PCOLCE2: variants seen among roughly 807,000 people sequenced by gnomAD.
PCOLCE2 encodes the protein procollagen C-proteinase enhancer 2.
Under a neutral mutation model 47.0 loss-of-function variants are expected in PCOLCE2, and 42 were observed. The observed-to-expected ratio is 0.89, with a 90% CI of 0.70 to 1.16. The LOEUF (loss-of-function observed/expected upper bound fraction) is 1.16. PCOLCE2 is among the 50% of genes most tolerant of loss of function. PCOLCE2 has a pLI of 0.00. For missense variants in PCOLCE2, 500 were observed against 526.1 expected, an observed-to-expected ratio of 0.95 and a Z score of 0.49; for synonymous variants, 169 against 191.7, an observed-to-expected ratio of 0.88 and a Z score of 0.98.
intron 2 of PCOLCE2, among the ~76,000 whole-genome samples, chr3:142,879,847 T>C (rs2108211582): frequency 6.6e-6 from 1 of 151,852 alleles, no homozygotes; most frequent in East Asian, 1.9e-4. Context: ...GGGGGGCGCC[T>C]GTAGTCCCAG....
chr3:142,881,410 A>G (rs73232756), intron 2 of PCOLCE2, among the ~76,000 whole-genome samples: 31,330 of 152,158 alleles, frequency 0.21, 3,743 homozygotes, highest in South Asian at 0.29. Context: ...TATATATACT[A>G]TTATTATTTT....
At position 142,848,208 on chromosome 3, in the gene PCOLCE2, A is replaced by T; in HGVS notation, c.448+9T>A. 6.2e-7 allele frequency: 1 copy of T among 1,611,544 alleles called. No homozygotes were observed. The stretch of plus-strand genomic sequence containing the variant: ...TACTGTTGTTATTGCCATTATGTGG[A>T]AACAGTACCTCTTTCGTTTGGTTCA... On this transcript the variant is annotated intron_variant, in intron 3 of 8. Coordinates refer to ENST00000295992, the MANE Select transcript of PCOLCE2 (RefSeq NM_013363.4).
intron 2 of PCOLCE2, among the ~76,000 whole-genome samples, chr3:142,879,970 CAAAAAAAAA>C (rs772887718): frequency 5.6e-5 from 3 of 53,514 alleles, no homozygotes; most frequent in Non-Finnish European, 9.7e-5. Flanking sequence ...GACTCCATCT[CAAAAAAAAA>C]AAAAAAAAAA....
chr3:142,873,186 G>C (rs1242069284), intron 2 of PCOLCE2, among the ~76,000 whole-genome samples: 1 of 151,970 alleles, frequency 6.6e-6, no homozygotes, highest in Non-Finnish European at 1.5e-5. Flanking sequence ...CTGAGGTCAG[G>C]AGTTCAAGAC....
At position 142,818,145 on chromosome 3, in the gene PCOLCE2, AGCAG is replaced by A; in HGVS notation, c.*186_*189del. On this transcript the variant is annotated 3_prime_UTR_variant, in exon 9 of 9. Coordinates refer to ENST00000295992, the MANE Select transcript of PCOLCE2 (RefSeq NM_013363.4). ...CCAATCAGATAGCTGCTCCTCTGACAGCAGGCAAAGAACTTCCCTCAGCTATCTC... is the reference window on the plus strand; with the variant it reads ...CCAATCAGATAGCTGCTCCTCTGACAGCAAAGAACTTCCCTCAGCTATCTC... 2.0e-6 allele frequency: 1 copy of A among 497,824 alleles called. No individual in the cohort carries two copies. The highest frequency in any genetic ancestry group is 3.3e-5 in the Admixed American group (1 of 30,448). The allele number at this position is 497,824 out of a possible 1,614,324, so 30.8% of individuals were successfully genotyped here.
In PCOLCE2 at chr3:142,888,929, G is replaced by A. The variant is rs775615618; in HGVS notation, c.-33C>T. On this transcript the variant is annotated 5_prime_UTR_variant, in exon 1 of 9. Transcript: ENST00000295992. ...TAGACGCTCGGGGTTTGCACCCCAC[G>A]GCGCGCGCGCCGGCACACACGCCCC... 1.7e-5 allele frequency: 21 copies of A among 1,253,482 alleles called. No individual in the cohort carries two copies. In the East Asian group the frequency reaches 5.3e-4, roughly 32 times the overall value. The allele number at this position is 1,253,482 out of a possible 1,614,324, so 77.6% of individuals were successfully genotyped here. A position where few individuals can be genotyped will look rare whatever the true frequency, so the allele number is the denominator to read the frequency against.
chr3:142,870,733 T>G (rs371306233), intron 2 of PCOLCE2, among the ~76,000 whole-genome samples: 19 of 149,694 alleles, frequency 1.3e-4, no homozygotes, highest in African/African-American at 4.5e-4. Flanking sequence ...TTTTACTATA[T>G]ACTGTTCTTC....
At chr3:142,852,760 A>G (rs572845966) in intron 2 of PCOLCE2, among the ~76,000 whole-genome samples, 202 of 148,222 alleles carry the variant, frequency 1.4e-3, no homozygotes, top group African/African-American at 4.7e-3. Flanking sequence ...ATTTTAATAT[A>G]TATTATATAT....
At chr3:142,884,098 T>C (rs188231891) in intron 2 of PCOLCE2, among the ~76,000 whole-genome samples, 138 of 152,346 alleles carry the variant, frequency 9.1e-4, no homozygotes, top group Non-Finnish European at 1.0e-3. Context: ...TGTGTTTTTG[T>C]TCACAGTGGT....
At chr3:142,872,475 C>T (rs1297148698) in intron 2 of PCOLCE2, among the ~76,000 whole-genome samples, 1 of 152,140 alleles carries the variant, frequency 6.6e-6, no homozygotes, top group East Asian at 1.9e-4. Context: ...GCTCCTAGAA[C>T]ATCCCAGGCA....
intron 3 of PCOLCE2, 115 bp from the exon 4 acceptor site, chr3:142,843,163 C>T (rs987051739): frequency 1.0e-6 from 1 of 984,660 alleles, no homozygotes; most frequent in Admixed American, 1.8e-5. Flanking sequence ...ATAAAGGCAA[C>T]AGCAGAAGCG....
chr3:142,834,192 C>T (rs553554574), intron 5 of PCOLCE2, among the ~76,000 whole-genome samples: 1 of 152,280 alleles, frequency 6.6e-6, no homozygotes, highest in Admixed American at 6.5e-5. Flanking sequence ...TTAATTACAA[C>T]AGCTTTCTGA....
intron 2 of PCOLCE2, among the ~76,000 whole-genome samples, chr3:142,859,252 G>A (rs60434158): frequency 0.015 from 2,236 of 151,846 alleles, 60 homozygotes; most frequent in African/African-American, 0.05. Context: ...TAGTGGAGAC[G>A]GGGTTTCACC....
Position 142,823,178 on chromosome 3 carries a change from CTTAAG to C in PCOLCE2, c.949+349_949+353del, listed in dbSNP as rs557478588. Among the ~76,000 whole-genome samples, 536 of 152,128 alleles carry C rather than the reference CTTAAG, an allele frequency of 3.5e-3. 1 individual carries two copies. The highest frequency in any genetic ancestry group is 0.012 in the African/African-American group (512 of 41,508). On this transcript the variant is annotated intron_variant, in intron 7 of 8. Coordinates refer to ENST00000295992, the MANE Select transcript of PCOLCE2 (RefSeq NM_013363.4). Reference sequence around the variant, plus strand: ...TAAGCTCGGGTATGTTTCTAATTTACTTAAGTTGAGTTATAGATGTGTGAAAAAAT... The same window carrying C: ...TAAGCTCGGGTATGTTTCTAATTTACTTGAGTTATAGATGTGTGAAAAAAT...
intron 2 of PCOLCE2, among the ~76,000 whole-genome samples, chr3:142,856,708 C>CG (rs1933067416): frequency 6.6e-6 from 1 of 152,200 alleles, no homozygotes; most frequent in Non-Finnish European, 1.5e-5. Flanking sequence ...AAAGAGATAA[C>CG]GTTGAAAACG....
At chr3:142,845,491 T>TC (rs1158329589) in intron 3 of PCOLCE2, among the ~76,000 whole-genome samples, 1 of 152,216 alleles carries the variant, frequency 6.6e-6, no homozygotes, top group Non-Finnish European at 1.5e-5. Flanking sequence ...CTTCATTCCT[T>TC]CTGTTACTTT....
intron 2 of PCOLCE2, chr3:142,887,389 A>G (rs1243417178): frequency 1.4e-5 from 4 of 280,798 alleles, no homozygotes; most frequent in African/African-American, 6.6e-5. Context: ...TTATGAATCT[A>G]TAAAACTCAA....
In PCOLCE2 at chr3:142,840,944, G is replaced by A. The variant is rs534055375; in HGVS notation, c.573+1980C>T. ...CAAAAAATTAGCCAGGCATGGTGGC[G>A]GGTTCCTGTAGTCCCAACTACTCAG... On this transcript the variant is annotated intron_variant, in intron 4 of 8. Coordinates refer to ENST00000295992, the MANE Select transcript of PCOLCE2 (RefSeq NM_013363.4). 4.1e-3 allele frequency among the ~76,000 whole-genome samples: 628 copies of A among 152,008 alleles called. 6 individuals are homozygous for A. Among genetic ancestry groups the A allele is most frequent in the African/African-American group, 0.014 (601 of 41,452 alleles).
chr3:142,850,849 T>C (rs1377203803), intron 2 of PCOLCE2, among the ~76,000 whole-genome samples: 1 of 152,048 alleles, frequency 6.6e-6, no homozygotes, highest in Non-Finnish European at 1.5e-5. Context: ...GTTTTTGCAA[T>C]GGGTGTTTCC....
Sources: allele counts gnomAD v4.1 joint callset (sites outside exome capture counted in the v4.1 genomes callset), GRCh38; gene constraint gnomAD v4.1.1; transcripts MANE v1.5; gene names NCBI Gene and HGNC (gene_info 2026-07-23, HGNC 2026-07-21).